The following CTNNA2 variants were observed in gnomAD, a reference collection of about 807,000 sequenced individuals.
The protein encoded by CTNNA2 is catenin alpha-2.
In CTNNA2, 42 loss-of-function variants were observed where a neutral mutation model predicts 101.0. That is an observed-to-expected ratio of 0.42 (90% CI 0.32 to 0.54). The LOEUF (loss-of-function observed/expected upper bound fraction) is 0.54, where lower values mean the gene tolerates loss of function less well. CTNNA2 is among the 20% of genes least tolerant of loss of function. CTNNA2 has a pLI of 0.14. For synonymous variants in CTNNA2, 450 were observed against 456.4 expected, an observed-to-expected ratio of 0.99 and a Z score of 0.18; for missense variants, 871 against 1,223.1, an observed-to-expected ratio of 0.71 and a Z score of 4.29.
At position 79,415,400 on chromosome 2, in the gene CTNNA2, T is replaced by C. The variant is rs187759054; in HGVS notation, c.-135+41387T>C. ...AATGATGAGCCAATTAAACCTCTTT[T>C]CTTTATAAATTACCCAACCTCTATT... On this transcript the variant is annotated intron_variant, in intron 4 of 21. Coordinates refer to the CTNNA2 transcript ENST00000466387. Among the ~76,000 whole-genome samples the C allele has an allele frequency of 2.0e-5, 3 of 152,262 alleles. No individual in the cohort carries two copies. In the East Asian group the frequency reaches 5.8e-4, roughly 29 times the overall value.
intron 7 of CTNNA2, among the ~76,000 whole-genome samples, chr2:79,975,315 G>C (rs1690756461): frequency 1.3e-5 from 2 of 152,024 alleles, no homozygotes; most frequent in South Asian, 4.1e-4. Context: ...GTAAGGATTT[G>C]GAAAAACAAA....
intron 7 of CTNNA2, among the ~76,000 whole-genome samples, chr2:80,389,295 T>A (rs978742655): frequency 6.6e-6 from 1 of 152,086 alleles, no homozygotes; most frequent in African/African-American, 2.4e-5. Context: ...TATATTATGC[T>A]ATCCATTGTG....
intron 9 of CTNNA2, among the ~76,000 whole-genome samples, chr2:80,511,464 T>C (rs1462399716): frequency 6.6e-6 from 1 of 152,180 alleles, no homozygotes; most frequent in African/African-American, 2.4e-5. Context: ...TCTATCCCAG[T>C]GTAGGGAGTG....
At chr2:79,835,212 A>C (rs1266059690) in intron 3 of CTNNA2, among the ~76,000 whole-genome samples, 1 of 152,166 alleles carries the variant, frequency 6.6e-6, no homozygotes, top group Non-Finnish European at 1.5e-5. Flanking sequence ...ATTCGCCTTA[A>C]AATCTGAACA....
At chr2:80,374,676 T>C (rs1256611395) in intron 7 of CTNNA2, among the ~76,000 whole-genome samples, 1 of 132,044 alleles carries the variant, frequency 7.6e-6, no homozygotes, top group Non-Finnish European at 1.5e-5. Flanking sequence ...TCTGCGTGCG[T>C]GCGTGCGTGT....
At chr2:80,276,594 G>A (rs1558961987) in intron 7 of CTNNA2, among the ~76,000 whole-genome samples, 2 of 152,106 alleles carry the variant, frequency 1.3e-5, no homozygotes, top group African/African-American at 4.8e-5. Flanking sequence ...AATAGCAGAA[G>A]ATGAAGGAGA....
intron 7 of CTNNA2, among the ~76,000 whole-genome samples, chr2:79,977,191 C>G (rs974813985): frequency 1.3e-5 from 2 of 151,218 alleles, no homozygotes; most frequent in African/African-American, 2.4e-5. Context: ...TAATTGCAAA[C>G]GTACACACAC....
At chr2:80,036,803 C>T (rs1695681896) in intron 7 of CTNNA2, among the ~76,000 whole-genome samples, 1 of 148,368 alleles carries the variant, frequency 6.7e-6, no homozygotes, top group Non-Finnish European at 1.5e-5. Context: ...GTCACTCACT[C>T]ATTCATTGTG....
chr2:80,046,665 C>G (rs1376182907), intron 7 of CTNNA2, among the ~76,000 whole-genome samples: 1 of 152,146 alleles, frequency 6.6e-6, no homozygotes, highest in South Asian at 2.1e-4. Context: ...ATCAGGAGTG[C>G]CTCAGCAACC....
At chr2:79,912,480 T>C (rs912559204) in intron 7 of CTNNA2, among the ~76,000 whole-genome samples, 3 of 152,222 alleles carry the variant, frequency 2.0e-5, no homozygotes, top group Non-Finnish European at 4.4e-5. Flanking sequence ...AACTTGAAGA[T>C]GTCAACAGAA....
chr2:79,482,387 C>T (rs1350293586), intron 4 of CTNNA2, among the ~76,000 whole-genome samples: 1 of 152,150 alleles, frequency 6.6e-6, no homozygotes, highest in Non-Finnish European at 1.5e-5. Flanking sequence ...AGGGCTTCAA[C>T]TACATCAGTC....
intron 9 of CTNNA2, among the ~76,000 whole-genome samples, chr2:80,423,670 A>G (rs1680730589): frequency 6.6e-6 from 1 of 152,288 alleles, no homozygotes; most frequent in East Asian, 1.9e-4. Context: ...CACACCCACC[A>G]AGAGGGTCCA....
At chr2:80,210,475 G>A (rs192504004) in intron 7 of CTNNA2, among the ~76,000 whole-genome samples, 1 of 151,602 alleles carries the variant, frequency 6.6e-6, no homozygotes, top group Admixed American at 6.6e-5. Flanking sequence ...TTGATTTTCT[G>A]TCCTTGCGAT....
chr2:80,086,545 G>T (rs2148813377), intron 7 of CTNNA2, among the ~76,000 whole-genome samples: 2 of 152,110 alleles, frequency 1.3e-5, no homozygotes, highest in African/African-American at 4.8e-5. Flanking sequence ...AACACAGTGG[G>T]CAAAAGGGCT....
At chr2:80,641,991 A>AT (rs972891486) in intron 18 of CTNNA2, among the ~76,000 whole-genome samples, 11 of 152,212 alleles carry the variant, frequency 7.2e-5, no homozygotes, top group African/African-American at 1.9e-4. Context: ...GCAAAACATG[A>AT]TTTTTTTAAT....
intron 4 of CTNNA2, among the ~76,000 whole-genome samples, chr2:79,416,792 G>A (rs1166918325): frequency 2.0e-5 from 3 of 151,946 alleles, no homozygotes; most frequent in Non-Finnish European, 4.4e-5. Context: ...CATGCCTAGG[G>A]AAATTTTTTA....
rs971843348 is a variant in CTNNA2, at chr2:79,677,238, C to T, written c.102+25580C>T. Among the ~76,000 whole-genome samples, 4 of 152,108 alleles carry T rather than the reference C, an allele frequency of 2.6e-5. No individual in the cohort carries two copies. In the East Asian group the frequency reaches 5.8e-4, roughly 22 times the overall value. ...CCCTTTTCTCAGAGTCTTGTGACTG[C>T]GACACACTGTTTCCCCTTTAAAGTC... On this transcript the variant is annotated intron_variant, in intron 2 of 18. Transcript: ENST00000402739.
At chr2:79,299,764 G>T (rs1190091613) in intron 2 of CTNNA2, among the ~76,000 whole-genome samples, 1 of 152,192 alleles carries the variant, frequency 6.6e-6, no homozygotes, top group Non-Finnish European at 1.5e-5. Flanking sequence ...AAGTTTTCCA[G>T]ACCTTAAGCA....
chr2:80,404,161 C>T (rs1053197772), intron 8 of CTNNA2, among the ~76,000 whole-genome samples: 2 of 152,084 alleles, frequency 1.3e-5, no homozygotes, highest in Non-Finnish European at 2.9e-5. Context: ...TTATCCATTT[C>T]TTCTAGATTT....
Sources: gnomAD v4.1 joint callset for allele counts (sites outside exome capture counted in the v4.1 genomes callset) on GRCh38, gnomAD v4.1.1 for gene constraint, MANE v1.5 for transcripts, NCBI Gene and HGNC (gene_info 2026-07-23, HGNC 2026-07-21) for gene names.